DPY19L4: variants seen among roughly 807,000 people sequenced by gnomAD.
DPY19L4 encodes dpy-19 like 4.
In DPY19L4, 97 loss-of-function variants were observed where a neutral mutation model predicts 102.8. The ratio of observed to expected loss-of-function variants is 0.94; its 90% CI spans 0.80 to 1.12. DPY19L4 has a LOEUF of 1.12. Among genes scored for constraint, DPY19L4 ranks in the 50% most tolerant of loss-of-function variants. The probability of loss-of-function intolerance (pLI) is 0.00; values close to 1 mark genes in which losing one functional copy is unlikely to be tolerated. For synonymous variants in DPY19L4, 252 were observed against 283.1 expected (o/e 0.89, Z 1.10); for missense variants, 815 against 850.4 (o/e 0.96, Z 0.52).
chr8:94,786,367 C>T (rs569009355), intron 17 of DPY19L4, among the ~76,000 whole-genome samples: 5 of 152,180 alleles, frequency 3.3e-5, no homozygotes, highest in African/African-American at 4.8e-5. Context: ...TCAGGCAATC[C>T]GCCTACCCCT....
At chr8:94,764,845 C>T (rs112420579) in intron 8 of DPY19L4, among the ~76,000 whole-genome samples, 6,773 of 146,746 alleles carry the variant, frequency 0.046, 201 homozygotes, top group African/African-American at 0.067. Flanking sequence ...TCTCATGCCT[C>T]AGCCTCCCGA....
chr8:94,759,529 G>A (rs1391979704), intron 7 of DPY19L4, among the ~76,000 whole-genome samples: 3 of 108,936 alleles, frequency 2.8e-5, no homozygotes, highest in African/African-American at 7.7e-5. Flanking sequence ...TTTTTGAGAC[G>A]GAGTTTTGCT....
intron 18 of DPY19L4, among the ~76,000 whole-genome samples, chr8:94,788,508 C>T (rs1243464321): frequency 5.9e-5 from 9 of 152,160 alleles, no homozygotes; most frequent in Admixed American, 5.9e-4. Flanking sequence ...CATTGAGTCC[C>T]TATTATCCAC....
At chr8:94,745,467 A>G (rs1811631637) in intron 6 of DPY19L4, among the ~76,000 whole-genome samples, 1 of 152,192 alleles carries the variant, frequency 6.6e-6, no homozygotes, top group East Asian at 1.9e-4. Flanking sequence ...CTTTGGCAAA[A>G]AAGCAACTGT....
chr8:94,758,516 A>G (rs1199362304), intron 7 of DPY19L4, among the ~76,000 whole-genome samples: 1 of 152,126 alleles, frequency 6.6e-6, no homozygotes, highest in Non-Finnish European at 1.5e-5. Flanking sequence ...CTTAATAATC[A>G]CATCCTTCCT....
chr8:94,781,725 A>C (rs1217067971), intron 16 of DPY19L4, among the ~76,000 whole-genome samples: 1 of 152,236 alleles, frequency 6.6e-6, no homozygotes, highest in Non-Finnish European at 1.5e-5. Flanking sequence ...GTAGAGAAAG[A>C]AGATGAGAAA....
Position 94,790,570 on chromosome 8 carries a change from A to G in DPY19L4, c.*660A>G, listed in dbSNP as rs1210580675. 2 of 152,308 alleles carry G rather than the reference A, an allele frequency of 1.3e-5. No homozygotes were observed. Among genetic ancestry groups the G allele is most frequent in the East Asian group, 3.8e-4 (2 of 5,206 alleles). The allele number at this position is 152,308 out of a possible 1,614,324, so 9.4% of individuals were successfully genotyped here. A position where few individuals can be genotyped will look rare whatever the true frequency, so the allele number is the denominator to read the frequency against. ...AATGCATGATGTTACTGCATTTTCT[A>G]AATGACTAGTAAGTGATTAGTTTTT... On this transcript the variant is annotated 3_prime_UTR_variant, in exon 19 of 19. Coordinates refer to ENST00000414645, the MANE Select transcript of DPY19L4 (RefSeq NM_181787.3).
intron 13 of DPY19L4, among the ~76,000 whole-genome samples, chr8:94,776,662 A>G (rs1363139994): frequency 6.6e-6 from 1 of 151,956 alleles, no homozygotes; most frequent in African/African-American, 2.4e-5. Context: ...ACAAAATGCT[A>G]TAGTTAAAAC....
In DPY19L4 at chr8:94,767,515, G is replaced by A. The variant is rs1019827514; in HGVS notation, c.1175+830G>A. Among the ~76,000 whole-genome samples, 3 of 151,976 alleles carry A rather than the reference G, an allele frequency of 2.0e-5. No homozygotes were observed. In the East Asian group the frequency reaches 5.8e-4, roughly 29 times the overall value. On this transcript the variant is annotated intron_variant, in intron 11 of 18. Transcript: ENST00000414645. ...TCACTGTGTTAGTCAGGATGGCCTC[G>A]ATCTCCTGACTCGTGATCTGCCCGC...
chr8:94,738,333 AAT>A (rs1445478307), intron 3 of DPY19L4, 34 bp from the exon 4 acceptor site: 11 of 1,287,872 alleles, frequency 8.5e-6, no homozygotes, highest in East Asian at 6.5e-5. Flanking sequence ...AAAAAAAAAA[AAT>A]TAAATTTTAA....
intron 6 of DPY19L4, among the ~76,000 whole-genome samples, chr8:94,752,047 T>C (rs1234179238): frequency 6.6e-6 from 1 of 152,192 alleles, no homozygotes; most frequent in Non-Finnish European, 1.5e-5. Context: ...TGGGGACATA[T>C]GCTTTCATTT....
chr8:94,760,532 A>G (rs1302052637), intron 7 of DPY19L4, among the ~76,000 whole-genome samples: 1 of 152,186 alleles, frequency 6.6e-6, no homozygotes, highest in African/African-American at 2.4e-5. Flanking sequence ...CTTATTCAGG[A>G]TGCTGGAAAA....
At chr8:94,730,356 G>A (rs1810891245) in intron 2 of DPY19L4, among the ~76,000 whole-genome samples, 1 of 152,094 alleles carries the variant, frequency 6.6e-6, no homozygotes, top group African/African-American at 2.4e-5. Context: ...TTTGAGACCA[G>A]GAACCAGAGC....
chr8:94,788,228 T>C (rs967258932), intron 18 of DPY19L4, among the ~76,000 whole-genome samples, 176 bp downstream of exon 18: 10 of 151,812 alleles, frequency 6.6e-5, no homozygotes, highest in African/African-American at 2.4e-5. Context: ...TTTTTCAACA[T>C]ACAAAAGAAA....
chr8:94,778,098 G>C (rs1343796249), intron 14 of DPY19L4, among the ~76,000 whole-genome samples: 1 of 152,042 alleles, frequency 6.6e-6, no homozygotes, highest in Non-Finnish European at 1.5e-5. Context: ...AGCTGGGCAT[G>C]GTGGCGCATG....
chr8:94,769,087 G>A (rs1812812228), intron 12 of DPY19L4, among the ~76,000 whole-genome samples: 1 of 142,282 alleles, frequency 7.0e-6, no homozygotes, highest in Non-Finnish European at 1.5e-5. Context: ...TTGAGACGGA[G>A]TCTTGCTCTT....
At position 94,730,016 on chromosome 8, in the gene DPY19L4, TATAA is replaced by T. The variant is rs892145092; in HGVS notation, c.127+3579_127+3582del. 2.0e-5 allele frequency among the ~76,000 whole-genome samples: 3 copies of T among 151,992 alleles called. No individual in the cohort carries two copies. The East Asian group carries it at 5.8e-4, about 29-fold the overall frequency. On this transcript the variant is annotated intron_variant, in intron 2 of 18. Transcript: ENST00000414645. ...AAACTGCATCCATAATTTCAGTAGATATAAATACTCTTAAAATTTTGGCATAAGT... is the reference window on the plus strand; with the variant it reads ...AAACTGCATCCATAATTTCAGTAGATATACTCTTAAAATTTTGGCATAAGT...
rs149614021 is a variant in DPY19L4 at position 94,768,853 on chromosome 8, G to A, written c.1334+300G>A. ...CTAAAAGTACATAAATTAGCTGGGC[G>A]TGATGGGTGCCCATCTAATAATAGC... On this transcript the variant is annotated intron_variant, in intron 12 of 18. Coordinates refer to ENST00000414645, the MANE Select transcript of DPY19L4 (RefSeq NM_181787.3). 2.4e-3 allele frequency among the ~76,000 whole-genome samples: 359 copies of A among 151,572 alleles called. 4 individuals are homozygous for A. Among genetic ancestry groups the A allele is most frequent in the Non-Finnish European group, 3.9e-3 (265 of 67,882 alleles).
chr8:94,733,672 G>A (rs2130804014), intron 2 of DPY19L4, among the ~76,000 whole-genome samples: 1 of 151,966 alleles, frequency 6.6e-6, no homozygotes, highest in East Asian at 2.0e-4. Context: ...CTCCCGAGTA[G>A]CTGGGATTAC....
Sources: allele counts gnomAD v4.1 joint callset (sites outside exome capture counted in the v4.1 genomes callset), GRCh38; gene constraint gnomAD v4.1.1; transcripts MANE v1.5; gene names NCBI Gene and HGNC (gene_info 2026-07-23, HGNC 2026-07-21).